KIF7: variants seen among roughly 807,000 people sequenced by gnomAD.
The protein encoded by KIF7 is kinesin-like protein KIF7.
A neutral mutation model predicts 135.7 loss-of-function variants in KIF7; 104 were observed. The ratio of observed to expected loss-of-function variants is 0.77; its 90% CI spans 0.65 to 0.90. The LOEUF is 0.90. KIF7 is among the 40% of genes least tolerant of loss of function. The pLI is 0.00. For synonymous variants in KIF7, 883 were observed against 809.4 expected, an observed-to-expected ratio of 1.09 and a Z score of -1.54; for missense variants, 2,005 against 1,839.1, an observed-to-expected ratio of 1.09 and a Z score of -1.65.
rs769319252 is a variant in KIF7, at chr15:89,628,722, G to A, written c.3729C>T (p.His1243=). 3.7e-6 allele frequency: 6 copies of A among 1,613,004 alleles called. No individual in the cohort carries two copies. The highest frequency in any genetic ancestry group is 3.4e-6 in the Non-Finnish European group (4 of 1,179,932). ...ACAGCCAGAGAAGCTCGGGTGCCAG[G>A]TGGAGCTCATCTTCATTTCCAGGAG... ...RQAPGNEDEL[H]LAPELLWLSP... is the part of the protein sequence containing the mutation. The change falls in exon 19 of 19, where the codon CAC becomes CAT. Residue 1243 remains histidine (H), a synonymous_variant. Coordinates refer to ENST00000394412, the MANE Select transcript of KIF7 (RefSeq NM_198525.3).
chr15:89,652,300 C>G (rs1303657461), intron 2 of KIF7, among the ~76,000 whole-genome samples: 3 of 152,324 alleles, frequency 2.0e-5, no homozygotes, highest in South Asian at 4.1e-4. Context: ...CTGACAACCT[C>G]TAGAGACACG....
chr15:89,652,173 TG>T (rs111413978), intron 2 of KIF7, among the ~76,000 whole-genome samples: 1,543 of 152,310 alleles, frequency 0.01, 27 homozygotes, highest in African/African-American at 0.035. Flanking sequence ...CTCCAGAGCC[TG>T]GCTGAAGCAC....
intron 6 of KIF7, 82 bp from the exon 7 acceptor site, chr15:89,647,139 G>A: frequency 8.3e-7 from 1 of 1,204,350 alleles, no homozygotes; most frequent in Non-Finnish European, 1.2e-6. Flanking sequence ...CAGGTCTGAG[G>A]CCACTCCACC....
rs771666289 is a variant in KIF7, at chr15:89,642,350, C to T, written c.2247G>A (p.Glu749=). Residue 749 remains glutamate (E), a synonymous_variant, in exon 11 of 19, where the codon GAG becomes GAA. Transcript: ENST00000394412. ...RQHSQRIREL[E]QEAEQVRAEL... is the part of the protein sequence containing the mutation. The stretch of plus-strand genomic sequence containing the variant: ...CGGCCCGCACCTGCTCTGCCTCCTG[C>T]TCCAGCTCCCGGATACGCTGGCTGT... 6.2e-6 allele frequency: 10 copies of T among 1,610,194 alleles called. No individual in the cohort carries two copies. The highest frequency in any genetic ancestry group is 1.8e-4 in the Middle Eastern group (1 of 5,614).
rs771583869 is a variant in KIF7 at position 89,629,526 on chromosome 15, C to A, written c.3366G>T (p.Ser1122=). ...EEQHQQQIAF[S]ELEMQLEEQQ... is the part of the protein sequence containing the mutation. ...GCTCCTCCAGCTGCATCTCCAGTTC[C>A]GAGAAGGCAATCTGCTGCTGGTGCT... Residue 1122 remains serine, a synonymous_variant, in exon 17 of 19, where the codon TCG becomes TCT. Coordinates refer to ENST00000394412, the MANE Select transcript of KIF7 (RefSeq NM_198525.3). The A allele has an allele frequency of 6.2e-7, 1 of 1,610,584 alleles. No individual in the cohort carries two copies. The highest frequency in any genetic ancestry group is 8.5e-7 in the Non-Finnish European group (1 of 1,180,002).
rs1026714192 is a variant in KIF7, at chr15:89,648,345, G to T, written c.1353C>A (p.Arg451=). ...GCCCGGAGGCGGAGCTCAGGGCGCT[G>T]CGCTCGCCCTCGACGGCGCACAGCC... ...RDWLCAVEGE[R]SALSSASGPD... is the part of the protein sequence containing the mutation. Residue 451 remains arginine (R), a synonymous_variant, in exon 5 of 19, where the codon CGC becomes CGA. Transcript: ENST00000394412. 2.0e-6 allele frequency: 3 copies of T among 1,466,596 alleles called. No individual in the cohort carries two copies. The highest frequency in any genetic ancestry group is 2.5e-5 in the South Asian group (2 of 79,532). 90.8% of individuals were successfully genotyped at this position (1,466,596 alleles called of 1,614,324 possible).
chr15:89,619,002 T>A (rs1002311322), intron 1 of KIF7, among the ~76,000 whole-genome samples: 5 of 151,978 alleles, frequency 3.3e-5, no homozygotes, highest in Non-Finnish European at 5.9e-5. Context: ...GGAGGGGTTT[T>A]AAAAAACTAA....
At position 89,632,825 on chromosome 15, in the gene KIF7, T is replaced by C. The variant is rs1963709316; in HGVS notation, c.2890A>G (p.Ser964Gly). The C allele has an allele frequency of 1.9e-6, 3 of 1,605,188 alleles. No individual in the cohort carries two copies. The highest frequency in any genetic ancestry group is 1.7e-6 in the Non-Finnish European group (2 of 1,179,434). ...CTCTCCTGGCAGGGCCTCACCTGGC[T>C]GGATCTCAGGCGCTTGCTCTCCAGC... ...TGLESKRLRS[S>G]QALNEDIVRV... The change falls in exon 14 of 19, where the codon AGC becomes GGC. Residue 964 changes from serine to glycine, a missense_variant. Physicochemically the swap from Ser to Gly is moderately conservative, Grantham distance 56. Coordinates refer to ENST00000394412, the MANE Select transcript of KIF7 (RefSeq NM_198525.3).
Position 89,628,635 on chromosome 15 carries a change from C to A in KIF7, c.3816G>T (p.Pro1272=), listed in dbSNP as rs772866453. The change falls in exon 19 of 19, where the codon CCG becomes CCT. Residue 1272 remains proline, a synonymous_variant. Transcript: ENST00000394412. ...TCGAGCGTTTCCAGGTCAAGGGTAA[C>A]GGAGCGTGGACCAAGTCCCGCGTCT... The part of the protein sequence containing the change: ...REETRDLVHA[P]LPLTWKRSSL... The A allele has an allele frequency of 1.1e-5, 18 of 1,613,142 alleles. No homozygotes were observed. The African/African-American group carries it at 2.0e-4, about 18-fold the overall frequency.
chr15:89,625,609 C>T (rs1963507654), downstream of KIF7: 1 of 1,613,096 alleles, frequency 6.2e-7, no homozygotes, highest in Non-Finnish European at 8.5e-7. Flanking sequence ...TTCCTGGGGA[C>T]AGTTTGGGTT....
rs375001118 is a variant in KIF7, at chr15:89,619,879, C to T, written c.181-1684G>A. 104 of 1,566,582 alleles carry T rather than the reference C, an allele frequency of 6.6e-5. No homozygotes were observed. The Middle Eastern group carries it at 1.2e-3, about 18-fold the overall frequency. ...GCCCCTCTGCCTTCACAAGTCCGTG[C>T]TGACTTGGTGAGAAGTGTTTTTGGG... is the stretch of plus-strand genomic sequence containing the variant. On this transcript the variant is annotated intron_variant and NMD_transcript_variant, in intron 1 of 2. Coordinates refer to the KIF7 transcript ENST00000558928.
At chr15:89,630,243 G>A (rs764460692) in intron 16 of KIF7, 44 bp downstream of exon 16, 27 of 1,579,038 alleles carry the variant, frequency 1.7e-5, no homozygotes, top group South Asian at 1.1e-4. Context: ...CTCCCCACAC[G>A]TGCCGCTGAG....
In KIF7 at chr15:89,648,240, C is replaced by G. The variant is rs1226809082; in HGVS notation, c.1443+15G>C. On this transcript the variant is annotated intron_variant, in intron 5 of 18. Coordinates refer to ENST00000394412, the MANE Select transcript of KIF7 (RefSeq NM_198525.3). ...CACTGCCCACAACCACAACCACAAC[C>G]TGTCCCTCGGCCACCTTTCGCCCGC... 3 of 1,505,692 alleles carry G rather than the reference C, an allele frequency of 2.0e-6. No individual in the cohort carries two copies. Among genetic ancestry groups the G allele is most frequent in the Admixed American group, 4.1e-5 (2 of 48,846 alleles). The allele number at this position is 1,505,692 out of a possible 1,614,324, so 93.3% of individuals were successfully genotyped here. A position where few individuals can be genotyped will look rare whatever the true frequency, so the allele number is the denominator to read the frequency against.
chr15:89,618,859 T>C (rs1188091295), intron 1 of KIF7, among the ~76,000 whole-genome samples: 1 of 152,186 alleles, frequency 6.6e-6, no homozygotes, highest in African/African-American at 2.4e-5. Flanking sequence ...CTCGGGAGGC[T>C]GAGGTGAGAG....
intron 8 of KIF7, 93 bp downstream of exon 8, chr15:89,645,800 G>C: frequency 2.0e-6 from 3 of 1,497,952 alleles, no homozygotes; most frequent in South Asian, 2.5e-5. Flanking sequence ...CTTCCCCACT[G>C]CTGTCAGGAG....
intron 1 of KIF7, among the ~76,000 whole-genome samples, chr15:89,621,910 G>A (rs1963431827): frequency 1.3e-5 from 2 of 151,410 alleles, no homozygotes; most frequent in African/African-American, 4.9e-5. Context: ...AGAAACCTGG[G>A]AGTCATCCTT....
Position 89,628,568 on chromosome 15 carries a change from G to A in KIF7, c.3883C>T (p.Gln1295Ter). ...EEQGSPEELR[Q>*]REAAEPLVGR... is the part of the protein sequence containing the mutation. ...ACCAGGGGCTCAGCCGCCTCCCGCTGCCTCAGTTCCTCGGGGGACCCCTGC... is the reference window on the plus strand; with the variant it reads ...ACCAGGGGCTCAGCCGCCTCCCGCTACCTCAGTTCCTCGGGGGACCCCTGC... Residue 1295 changes from glutamine (Q) to a stop codon, truncating the protein, a stop_gained, in exon 19 of 19, where the codon CAG (glutamine) becomes TAG (stop). Coordinates refer to ENST00000394412, the MANE Select transcript of KIF7 (RefSeq NM_198525.3). LOFTEE classifies it low-confidence loss of function (END_TRUNC). 6.2e-7 allele frequency: 1 copy of A among 1,613,506 alleles called. No individual in the cohort carries two copies. Among genetic ancestry groups the A allele is most frequent in the Non-Finnish European group, 8.5e-7 (1 of 1,180,014 alleles).
At position 89,631,084 on chromosome 15, in the gene KIF7, A is replaced by G. The variant is rs149111364; in HGVS notation, c.3111+411T>C. ...ACCATTGTTGTATGAGCTGTCATTC[A>G]CTGAAATGTCACACAGCACATGACT... On this transcript the variant is annotated intron_variant, in intron 15 of 18. Transcript: ENST00000394412. 8.5e-4 allele frequency: 204 copies of G among 238,866 alleles called. 1 individual carries two copies. The highest frequency in any genetic ancestry group is 4.3e-3 in the African/African-American group (194 of 44,746). The allele number at this position is 238,866 out of a possible 1,614,324, so 14.8% of individuals were successfully genotyped here.
downstream of KIF7, chr15:89,626,955 G>T: frequency 1.9e-6 from 3 of 1,613,802 alleles, no homozygotes; most frequent in Non-Finnish European, 2.5e-6. Context: ...CCTTCTTCTA[G>T]ATGAGGATGT....
Sources: allele counts gnomAD v4.1 joint callset (sites outside exome capture counted in the v4.1 genomes callset), GRCh38; gene constraint gnomAD v4.1.1; transcripts MANE v1.5; gene names NCBI Gene and HGNC (gene_info 2026-07-23, HGNC 2026-07-21).